ZYG11B: variants seen among roughly 807,000 people sequenced by gnomAD.
ZYG11B encodes protein zyg-11 homolog B.
A neutral mutation model predicts 82.4 loss-of-function variants in ZYG11B; 36 were observed. The ratio of observed to expected loss-of-function variants is 0.44; its 90% CI spans 0.33 to 0.58. The LOEUF is 0.58. Ranked by LOEUF, ZYG11B falls within the 20% of genes least tolerant of loss-of-function variation. The pLI, the probability that ZYG11B is intolerant of heterozygous loss-of-function variation, is 0.02. For synonymous variants in ZYG11B, 303 were observed against 312.8 expected (o/e 0.97, Z 0.33); for missense variants, 552 against 895.6 (o/e 0.62, Z 4.90).
At chr1:52,813,502 AC>A (rs1645200963) in intron 10 of ZYG11B, 33 bp from the exon 11 acceptor site, 6 of 1,498,920 alleles carry the variant, frequency 4.0e-6, no homozygotes, top group Non-Finnish European at 5.4e-6. Context: ...TATACATATT[AC>A]ATTAATTTTT....
chr1:52,734,610 A>G (rs1373348374), intron 1 of ZYG11B, among the ~76,000 whole-genome samples: 2 of 151,426 alleles, frequency 1.3e-5, no homozygotes, highest in African/African-American at 4.8e-5. Flanking sequence ...AGATCGCGCC[A>G]TTGCACTCCA....
intron 2 of ZYG11B, among the ~76,000 whole-genome samples, chr1:52,763,231 A>G (rs1644651554): frequency 6.6e-6 from 1 of 152,100 alleles, no homozygotes; most frequent in South Asian, 2.1e-4. Context: ...TGGTAGTATG[A>G]TGCCTCCAGG....
chr1:52,784,465 GA>G (rs1314993437), intron 4 of ZYG11B, among the ~76,000 whole-genome samples: 2 of 152,240 alleles, frequency 1.3e-5, no homozygotes, highest in East Asian at 3.8e-4. Flanking sequence ...CTAGGCCAGG[GA>G]AAGTGAATGG....
chr1:52,802,291 C>CCATGATG, intron 10 of ZYG11B, 152 bp downstream of exon 10: 1 of 557,660 alleles, frequency 1.8e-6, no homozygotes, highest in Non-Finnish European at 3.1e-6. Flanking sequence ...CAATACCTCA[C>CCATGATG]CATGATGACT....
chr1:52,798,324 C>T (rs1645045722), intron 8 of ZYG11B, among the ~76,000 whole-genome samples: 1 of 151,152 alleles, frequency 6.6e-6, no homozygotes, highest in Non-Finnish European at 1.5e-5. Context: ...GTGTTAAGAT[C>T]CTATCTAAGG....
At chr1:52,727,852 C>G (rs953619212) in intron 1 of ZYG11B, among the ~76,000 whole-genome samples, 1 of 152,186 alleles carries the variant, frequency 6.6e-6, no homozygotes, top group South Asian at 2.1e-4. Context: ...TCATATGCAA[C>G]AAGCTAAATT....
At chr1:52,807,830 C>G (rs1321377484) in intron 10 of ZYG11B, among the ~76,000 whole-genome samples, 2 of 152,150 alleles carry the variant, frequency 1.3e-5, no homozygotes, top group African/African-American at 4.8e-5. Context: ...TTTAACATTT[C>G]TTACAGTGTG....
At chr1:52,765,913 GTTC>G (rs1162779880) in intron 2 of ZYG11B, among the ~76,000 whole-genome samples, 2 of 151,872 alleles carry the variant, frequency 1.3e-5, no homozygotes, top group African/African-American at 4.8e-5. Flanking sequence ...TTCCCATTCT[GTTC>G]TTGTTATTTA....
At chr1:52,800,603 G>A (rs1645067975) in intron 8 of ZYG11B, among the ~76,000 whole-genome samples, 1 of 152,088 alleles carries the variant, frequency 6.6e-6, no homozygotes, top group South Asian at 2.1e-4. Context: ...GAGATCAGGA[G>A]TTCGAGACCA....
intron 12 of ZYG11B, among the ~76,000 whole-genome samples, chr1:52,814,896 G>A (rs955849855): frequency 4.6e-5 from 7 of 152,174 alleles, no homozygotes; most frequent in Admixed American, 4.6e-4. Flanking sequence ...TGTGGCTCAT[G>A]CCTATAATCC....
At chr1:52,733,758 A>G (rs1411866176) in intron 1 of ZYG11B, among the ~76,000 whole-genome samples, 2 of 152,208 alleles carry the variant, frequency 1.3e-5, no homozygotes, top group African/African-American at 4.8e-5. Flanking sequence ...CAATGTACTT[A>G]TATTTCTTGT....
At chr1:52,789,633 A>G (rs986191898) in intron 5 of ZYG11B, among the ~76,000 whole-genome samples, 3 of 152,132 alleles carry the variant, frequency 2.0e-5, no homozygotes, top group African/African-American at 7.2e-5. Flanking sequence ...GAGTCTTCCA[A>G]GCAGGCTCGT....
At chr1:52,776,622 A>G (rs1644813258) in intron 3 of ZYG11B, among the ~76,000 whole-genome samples, 2 of 152,196 alleles carry the variant, frequency 1.3e-5, no homozygotes, top group South Asian at 4.1e-4. Flanking sequence ...ACTTGAGGAT[A>G]TATTTCGTAT....
chr1:52,810,992 C>T (rs578182122), intron 10 of ZYG11B, among the ~76,000 whole-genome samples: 1 of 150,576 alleles, frequency 6.6e-6, no homozygotes, highest in African/African-American at 2.4e-5. Flanking sequence ...TGAGATCCTG[C>T]CATTGCACTC....
At chr1:52,769,812 C>G (rs1418782808) in intron 2 of ZYG11B, among the ~76,000 whole-genome samples, 1 of 152,156 alleles carries the variant, frequency 6.6e-6, no homozygotes, top group African/African-American at 2.4e-5. Flanking sequence ...TGACTTCAGG[C>G]TATTTATTTA....
rs1645202457 is a variant in ZYG11B at position 52,813,751 on chromosome 1, C to T, written c.1893+18C>T. ...ATGATTTGGTAGGGTCATTCCATAC[C>T]AACAAAAGACATTCATAGTGGTTAA... On this transcript the variant is annotated intron_variant, in intron 11 of 13. Coordinates refer to ENST00000294353, the MANE Select transcript of ZYG11B (RefSeq NM_024646.3). 6.2e-7 allele frequency: 1 copy of T among 1,613,790 alleles called. No homozygotes were observed. Among genetic ancestry groups the T allele is most frequent in the Admixed American group, 1.7e-5 (1 of 60,004 alleles).
intron 2 of ZYG11B, among the ~76,000 whole-genome samples, chr1:52,763,574 C>A (rs1465769219): frequency 6.6e-6 from 1 of 152,070 alleles, no homozygotes; most frequent in Non-Finnish European, 1.5e-5. Context: ...CCTGCCTCAG[C>A]CACCCAAAGT....
At chr1:52,772,622 C>T in intron 3 of ZYG11B, 1 of 1,107,498 alleles carries the variant, frequency 9.0e-7, no homozygotes, top group Non-Finnish European at 1.4e-6. Context: ...GGGACAGGCC[C>T]TTCTCAGGAG....
intron 3 of ZYG11B, among the ~76,000 whole-genome samples, chr1:52,778,189 G>T (rs1283678073): frequency 1.3e-5 from 2 of 152,124 alleles, no homozygotes; most frequent in Non-Finnish European, 2.9e-5. Context: ...GTATCTTTTA[G>T]TTTATAGGTT....
Sources: allele counts gnomAD v4.1 joint callset (sites outside exome capture counted in the v4.1 genomes callset), GRCh38; gene constraint gnomAD v4.1.1; transcripts MANE v1.5; gene names NCBI Gene and HGNC (gene_info 2026-07-23, HGNC 2026-07-21).